Variants in AKAP9 observed in about 807,000 individuals in gnomAD.
AKAP9 encodes A-kinase anchoring protein 9.
Under a neutral mutation model 488.5 loss-of-function variants are expected in AKAP9, and 311 were observed. That is an observed-to-expected ratio of 0.64 (90% CI 0.58 to 0.70). The LOEUF is 0.70. Ranked by LOEUF, AKAP9 falls within the 30% of genes least tolerant of loss-of-function variation. The pLI is 0.00. For missense variants in AKAP9, 4,215 were observed against 4,374.5 expected (o/e 0.96, Z 1.03); for synonymous variants, 1,462 against 1,483.5 (o/e 0.99, Z 0.33).
chr7:92,062,181 G>C (rs934879442), intron 23 of AKAP9, 93 bp from the exon 24 acceptor site: 26 of 1,138,668 alleles, frequency 2.3e-5, no homozygotes, highest in Middle Eastern at 2.9e-4. Flanking sequence ...GGAAAGTTTT[G>C]CTAACAGTAT....
intron 1 of AKAP9, among the ~76,000 whole-genome samples, chr7:91,954,702 C>G (rs1273680090): frequency 7.9e-6 from 1 of 127,212 alleles, no homozygotes; most frequent in Non-Finnish European, 1.7e-5. Flanking sequence ...ACCTGGGAAG[C>G]TTTACAAATT....
intron 22 of AKAP9, among the ~76,000 whole-genome samples, chr7:92,053,788 G>A (rs957702108): frequency 2.6e-5 from 4 of 152,134 alleles, no homozygotes; most frequent in Non-Finnish European, 5.9e-5. Flanking sequence ...AGCAATATCA[G>A]CATCACCTGG....
intron 3 of AKAP9, among the ~76,000 whole-genome samples, chr7:91,990,112 A>G (rs1006387048): frequency 2.0e-5 from 3 of 152,100 alleles, no homozygotes; most frequent in Non-Finnish European, 4.4e-5. Context: ...ACATTAACAT[A>G]GTCTGTAGGT....
chr7:91,974,876 G>A (rs188788420), intron 2 of AKAP9, among the ~76,000 whole-genome samples: 11 of 151,236 alleles, frequency 7.3e-5, no homozygotes, highest in Non-Finnish European at 1.6e-4. Flanking sequence ...TTTGAGATGG[G>A]TTCTCACTCT....
Position 92,102,481 on chromosome 7 carries a change from C to CTACTAG in AKAP9, c.11098-108_11098-107insGTACTA, listed in dbSNP as rs1039280673. 13 of 736,854 alleles carry CTACTAG rather than the reference C, an allele frequency of 1.8e-5. No homozygotes were observed. The African/African-American group carries it at 2.3e-4, about 13-fold the overall frequency. The allele number at this position is 736,854 out of a possible 1,614,324, so 45.6% of individuals were successfully genotyped here. On this transcript the variant is annotated intron_variant, in intron 45 of 49. Transcript: ENST00000356239. ...ACTACTACTACTACTACTACTACTACTACTACTACCACCACCACCACCACT... is the reference window on the plus strand; with the variant it reads ...ACTACTACTACTACTACTACTACTACTACTAGTACTACTACCACCACCACCACCACT...
intron 3 of AKAP9, among the ~76,000 whole-genome samples, chr7:91,985,622 T>G: frequency 6.6e-6 from 1 of 152,156 alleles, no homozygotes. Context: ...GATGCTGGCC[T>G]CATTTAAGTT....
chr7:91,974,279 G>A (rs564933597), intron 2 of AKAP9, among the ~76,000 whole-genome samples: 258 of 152,300 alleles, frequency 1.7e-3, no homozygotes, highest in South Asian at 5.6e-3. Flanking sequence ...TTAAAGGTAT[G>A]CAGTGTGCTA....
chr7:92,080,162 GTATTT>G lies in AKAP9; in HGVS notation c.8019+15_8019+19del. 2 of 1,553,528 alleles carry G rather than the reference GTATTT, an allele frequency of 1.3e-6. No homozygotes were observed. The highest frequency in any genetic ancestry group is 1.7e-6 in the Non-Finnish European group (2 of 1,153,666). ...TGTTGAAGTTCTCAAGGTTAGTTTT[GTATTT>G]TATTAGTTTCATTTAAATACCCCAA... is the stretch of plus-strand genomic sequence containing the variant. On this transcript the variant is annotated intron_variant, in intron 31 of 49. Transcript: ENST00000356239.
At chr7:92,047,607 CAT>C (rs1448581897) in intron 21 of AKAP9, among the ~76,000 whole-genome samples, 1 of 152,210 alleles carries the variant, frequency 6.6e-6, no homozygotes, top group Admixed American at 6.5e-5. Context: ...TACAGCAATT[CAT>C]AGTCTAATGA....
chr7:92,002,879 G>A lies in AKAP9; in HGVS notation c.2962G>A (p.Glu988Lys), dbSNP rs754493921. The change falls in exon 8 of 50, where the codon GAA becomes AAA. Residue 988 changes from glutamate to lysine, a missense_variant. This residue lies in a region of AKAP9 where 2,361 missense variants were observed against 2,430.0 expected (regional missense o/e 0.97). Transcript: ENST00000356239. ...EEVKSLKQEK[E>K]QVSLRCRELE... Reference sequence around the variant, plus strand: ...AGTTAAATCTTTAAAGCAAGAGAAAGAACAAGTTTCATTGAGATGTAGAGA... The same window carrying A: ...AGTTAAATCTTTAAAGCAAGAGAAAAAACAAGTTTCATTGAGATGTAGAGA... The A allele has an allele frequency of 3.7e-6, 6 of 1,612,624 alleles. No individual in the cohort carries two copies. The Admixed American group carries it at 1.0e-4, about 27-fold the overall frequency.
chr7:92,040,698 A>G lies in AKAP9; in HGVS notation c.4717A>G (p.Ser1573Gly), dbSNP rs753131699. Reference protein sequence around the residue: ...QSIHDEISVSSMDASRQLMLN... With the variant: ...QSIHDEISVSGMDASRQLMLN... Reference sequence around the variant, plus strand: ...GATTCATGATGAGATTTCAGTGTCAAGCATGGATGCTTCTAGACAACTAAT... The same window carrying G: ...GATTCATGATGAGATTTCAGTGTCAGGCATGGATGCTTCTAGACAACTAAT... Residue 1573 changes from serine (S) to glycine (G), a missense_variant, in exon 18 of 50, where the codon AGC (serine) becomes GGC (glycine). By Grantham distance (56) the Ser-to-Gly change is moderately conservative. Coordinates refer to ENST00000356239, the MANE Select transcript of AKAP9 (RefSeq NM_005751.5). The G allele has an allele frequency of 1.9e-6, 3 of 1,611,376 alleles. No individual in the cohort carries two copies.
intron 35 of AKAP9, 81 bp downstream of exon 35, chr7:92,085,021 G>A: frequency 6.6e-7 from 1 of 1,504,722 alleles, no homozygotes; most frequent in Non-Finnish European, 9.2e-7. Context: ...GAAGTTATAT[G>A]GTGGGATCAT....
chr7:92,055,686 A>G (rs533760089), intron 22 of AKAP9, among the ~76,000 whole-genome samples: 1 of 152,144 alleles, frequency 6.6e-6, no homozygotes, highest in Non-Finnish European at 1.5e-5. Context: ...TATTATAACT[A>G]TTTTTGATTG....
chr7:92,082,618 G>A lies in AKAP9; in HGVS notation c.8116G>A (p.Ala2706Thr), dbSNP rs984927444. ...ATCAGTGGCTACCAAAGCAGAACTT[G>A]CCAGTTATAAAGAAAAGGCTGAAAA... ...AESVATKAEL[A>T]SYKEKAEKLQ... The change falls in exon 32 of 50, where the codon GCC becomes ACC. Residue 2706 changes from alanine (A) to threonine (T), a missense_variant. Ala to Thr is a moderately conservative substitution (Grantham distance 58). Transcript: ENST00000356239. The A allele has an allele frequency of 1.2e-6, 2 of 1,613,814 alleles. No homozygotes were observed. The highest frequency in any genetic ancestry group is 2.7e-5 in the African/African-American group (2 of 74,886).
Position 92,022,322 on chromosome 7 carries a change from C to T in AKAP9, c.3922C>T (p.His1308Tyr). The change falls in exon 13 of 50, where the codon CAT (histidine) becomes TAT (tyrosine). Residue 1308 changes from histidine to tyrosine, a missense_variant. By Grantham distance (83) the His-to-Tyr change is moderately conservative. Coordinates refer to ENST00000356239, the MANE Select transcript of AKAP9 (RefSeq NM_005751.5). ...PKEETEFLSI[H>Y]SQMTNLEDID... ...AGAGGAAACAGAGTTTTTATCAATC[C>T]ATTCTCAGATGACCAATTTGGAAGA... The T allele has an allele frequency of 3.7e-6, 6 of 1,612,628 alleles. No homozygotes were observed. Among genetic ancestry groups the T allele is most frequent in the Non-Finnish European group, 5.1e-6 (6 of 1,178,822 alleles).
chr7:92,098,799 C>A (rs1817069665), intron 43 of AKAP9, among the ~76,000 whole-genome samples: 1 of 152,172 alleles, frequency 6.6e-6, no homozygotes, highest in Admixed American at 6.5e-5. Context: ...TAAACAAATA[C>A]TTATATTGAA....
intron 5 of AKAP9, 137 bp downstream of exon 5, chr7:91,993,192 T>TCC: frequency 1.1e-6 from 1 of 935,392 alleles, no homozygotes; most frequent in South Asian, 1.7e-5. Context: ...CTTCTTCTTC[T>TCC]TCTTTTTTTT....
chr7:92,003,323 A>G, intron 8 of AKAP9, 88 bp downstream of exon 8: 2 of 1,008,616 alleles, frequency 2.0e-6, no homozygotes, highest in African/African-American at 1.6e-5. Flanking sequence ...ACATAAGTTC[A>G]TATCCTTACA....
In AKAP9 at chr7:92,065,227, A is replaced by G. The variant is rs147494754; in HGVS notation, c.5978-4A>G. The G allele has an allele frequency of 3.3e-3, 5,061 of 1,551,668 alleles. 11 individuals are homozygous for G. Among genetic ancestry groups the G allele is most frequent in the Non-Finnish European group, 4.3e-3 (4,828 of 1,126,604 alleles). On this transcript the variant is annotated splice_region_variant and splice_polypyrimidine_tract_variant and intron_variant, in intron 24 of 49. Coordinates refer to ENST00000356239, the MANE Select transcript of AKAP9 (RefSeq NM_005751.5). ...AATTCAGTATATTTTGTATTAATAA[A>G]CAGAATTACTACAGGAGACAGAAAA...
Sources: allele counts gnomAD v4.1 joint callset (sites outside exome capture counted in the v4.1 genomes callset), GRCh38; gene constraint gnomAD v4.1.1; regional missense constraint gnomAD v4.1.1; transcripts MANE v1.5; gene names NCBI Gene and HGNC (gene_info 2026-07-23, HGNC 2026-07-21).